The following PLIN1 variants were observed in gnomAD, a reference collection of about 807,000 sequenced individuals.
PLIN1 encodes perilipin-1.
Under a neutral mutation model 45.8 loss-of-function variants are expected in PLIN1, and 37 were observed. That is an observed-to-expected ratio of 0.81 (90% CI 0.62 to 1.06). The LOEUF is 1.06. Ranked by LOEUF, PLIN1 falls within the 50% of genes least tolerant of loss-of-function variation. PLIN1 has a pLI of 0.00. For synonymous variants in PLIN1, 340 were observed against 309.2 expected (o/e 1.10, Z -1.05); for missense variants, 776 against 716.5 (o/e 1.08, Z -0.95).
At chr15:89,676,385 C>G (rs1286996590) in intron 2 of PLIN1, among the ~76,000 whole-genome samples, 2 of 152,110 alleles carry the variant, frequency 1.3e-5, no homozygotes, top group East Asian at 1.9e-4. Context: ...GTAGCTGGGA[C>G]TACAGGCGCC....
intron 2 of PLIN1, among the ~76,000 whole-genome samples, chr15:89,674,359 C>G (rs1033009235): frequency 6.6e-6 from 1 of 152,212 alleles, no homozygotes; most frequent in Non-Finnish European, 1.5e-5. Flanking sequence ...TGGGCTCAAA[C>G]AGTCCCCACA....
chr15:89,675,173 C>T (rs1047486966), intron 2 of PLIN1, among the ~76,000 whole-genome samples: 5 of 152,104 alleles, frequency 3.3e-5, no homozygotes, highest in Non-Finnish European at 5.9e-5. Flanking sequence ...GCGATCTGCA[C>T]GTGCTGGGTG....
chr15:89,669,952 C>T, intron 5 of PLIN1, 28 bp downstream of exon 5: 1 of 1,599,910 alleles, frequency 6.3e-7, no homozygotes, highest in Non-Finnish European at 8.5e-7. Flanking sequence ...CAACTCACTC[C>T]CAGGCCGAGC....
At position 89,670,210 on chromosome 15, in the gene PLIN1, C is replaced by A. The variant is rs375328191; in HGVS notation, c.368G>T (p.Arg123Leu). 1 of 1,613,282 alleles carries A rather than the reference C, an allele frequency of 6.2e-7. No individual in the cohort carries two copies. The highest frequency in any genetic ancestry group is 1.1e-5 in the South Asian group (1 of 90,870). The change falls in exon 5 of 9, where the codon CGC (arginine) becomes CTC (leucine). Residue 123 changes from arginine to leucine, a missense_variant. By Grantham distance (102) the Arg-to-Leu change is moderately radical. Coordinates refer to ENST00000300055, the MANE Select transcript of PLIN1 (RefSeq NM_002666.5). Reference sequence around the variant, plus strand: ...GATGCTGTTTCTGGCACTGCGGAGGCGGGTGGAGATGGTGTCCTTCAGCTC... The same window carrying A: ...GATGCTGTTTCTGGCACTGCGGAGGAGGGTGGAGATGGTGTCCTTCAGCTC... ...ASELKDTIST[R>L]LRSARNSISV...
chr15:89,667,019 T>A lies in PLIN1; in HGVS notation c.1126A>T (p.Thr376Ser), dbSNP rs145599337. 11 of 1,613,954 alleles carry A rather than the reference T, an allele frequency of 6.8e-6. No homozygotes were observed. In the African/African-American group the frequency reaches 1.5e-4, roughly 22 times the overall value. Residue 376 changes from threonine to serine, a missense_variant, in exon 8 of 9, where the codon ACC (threonine) becomes TCC (serine). Physicochemically the swap from Thr to Ser is moderately conservative, Grantham distance 58 (BLOSUM62 1). Transcript: ENST00000300055. ...GATAGGGACATGGCCCTCCCCTTGGTTGAGGAGACAGCAGGGGCTGGTGTG... is the reference window on the plus strand; with the variant it reads ...GATAGGGACATGGCCCTCCCCTTGGATGAGGAGACAGCAGGGGCTGGTGTG... The part of the protein sequence containing the change: ...HLTPAPAVSS[T>S]KGRAMSLSDA...
intron 2 of PLIN1, chr15:89,677,179 C>T: frequency 5.5e-6 from 3 of 546,048 alleles, no homozygotes; most frequent in Non-Finnish European, 9.9e-6. Flanking sequence ...CCTTCCTCTC[C>T]ACTCCCCCCG....
chr15:89,667,706 G>C lies in PLIN1; in HGVS notation c.859C>G (p.Leu287Val). The change falls in exon 7 of 9, where the codon CTC becomes GTC. Residue 287 changes from leucine to valine, a missense_variant. By Grantham distance (32) the Leu-to-Val change is conservative. Coordinates refer to ENST00000300055, the MANE Select transcript of PLIN1 (RefSeq NM_002666.5). ...SEVRVPWLHS[L>V]AAAQEEDHED... ...TGATCCTCCTCCTGGGCGGCTGCGA[G>C]GCTGTGCAGCCAGGGTACCCGCACT... is the stretch of plus-strand genomic sequence containing the variant. 6.3e-7 allele frequency: 1 copy of C among 1,585,802 alleles called. No individual in the cohort carries two copies. Among genetic ancestry groups the C allele is most frequent in the Non-Finnish European group, 8.6e-7 (1 of 1,166,078 alleles).
In PLIN1 at chr15:89,665,009, A is replaced by G. The variant is rs1051713732; in HGVS notation, c.*574T>C. 3 of 444,306 alleles carry G rather than the reference A, an allele frequency of 6.8e-6. No homozygotes were observed. Among genetic ancestry groups the G allele is most frequent in the Admixed American group, 5.0e-5 (2 of 40,054 alleles). The allele number at this position is 444,306 out of a possible 1,614,324, so 27.5% of individuals were successfully genotyped here. A position where few individuals can be genotyped will look rare whatever the true frequency, so the allele number is the denominator to read the frequency against. On this transcript the variant is annotated 3_prime_UTR_variant, in exon 9 of 9. Coordinates refer to ENST00000300055, the MANE Select transcript of PLIN1 (RefSeq NM_002666.5). ...CGGCGGGTACTCAGAAAGTGACACT[A>G]GTATTTTAAATAAACACCCAAGAGC...
At chr15:89,668,183 A>G (rs1482898963) in intron 6 of PLIN1, among the ~76,000 whole-genome samples, 1 of 152,206 alleles carries the variant, frequency 6.6e-6, no homozygotes, top group Non-Finnish European at 1.5e-5. Context: ...CACCATGTGT[A>G]TTCATCTATT....
At position 89,667,816 on chromosome 15, in the gene PLIN1, A is replaced by C. The variant is rs894162; in HGVS notation, c.772-23T>G. 2.6e-6 allele frequency: 4 copies of C among 1,546,474 alleles called. No individual in the cohort carries two copies. In the South Asian group the frequency reaches 4.8e-5, roughly 18 times the overall value. Reference sequence around the variant, plus strand: ...GCTCTGAGGGAGGATGGCAGCAGATAGCTGGCTCAACTGCCCCTGCTGAAG... The same window carrying C: ...GCTCTGAGGGAGGATGGCAGCAGATCGCTGGCTCAACTGCCCCTGCTGAAG... On this transcript the variant is annotated intron_variant, in intron 6 of 8. Transcript: ENST00000300055.
intron 6 of PLIN1, among the ~76,000 whole-genome samples, 175 bp from the exon 7 acceptor site, chr15:89,667,968 G>A (rs1219554570): frequency 1.3e-5 from 2 of 152,134 alleles, no homozygotes; most frequent in South Asian, 2.1e-4. Flanking sequence ...ACACTAAAGT[G>A]CACACATCTT....
At chr15:89,667,939 TTGA>T in intron 6 of PLIN1, 146 bp from the exon 7 acceptor site, 2 of 1,090,444 alleles carry the variant, frequency 1.8e-6, no homozygotes, top group Non-Finnish European at 2.4e-6. Context: ...AAACTTTTTA[TTGA>T]GTTGGTAATC....
Position 89,669,530 on chromosome 15 carries a change from C to G in PLIN1, c.741G>C (p.Val247=), listed in dbSNP as rs200506665. 3 of 1,613,476 alleles carry G rather than the reference C, an allele frequency of 1.9e-6. No individual in the cohort carries two copies. Among genetic ancestry groups the G allele is most frequent in the Non-Finnish European group, 2.5e-6 (3 of 1,179,986 alleles). The change falls in exon 6 of 9, where the codon GTG becomes GTC. Residue 247 remains valine (V), a synonymous_variant. Transcript: ENST00000300055. ...MARALEQGHT[V]AMWIPGVVPL... ...GCACCACGCCTGGGATCCACATGGC[C>G]ACGGTGTGGCCCTGCTCCAGGGCCC...
At chr15:89,673,165 A>T (rs1964463554) in intron 3 of PLIN1, 45 bp downstream of exon 3, 1 of 1,367,624 alleles carries the variant, frequency 7.3e-7, no homozygotes, top group Non-Finnish European at 1.0e-6. Flanking sequence ...ACTGGAAGGT[A>T]GGCAGTGAAC....
At position 89,670,139 on chromosome 15, in the gene PLIN1, A is replaced by G. The variant is rs1376967117; in HGVS notation, c.439T>C (p.Leu147=). The G allele has an allele frequency of 3.7e-6, 6 of 1,614,194 alleles. No individual in the cohort carries two copies. Among genetic ancestry groups the G allele is most frequent in the Non-Finnish European group, 5.1e-6 (6 of 1,180,030 alleles). The part of the protein sequence containing the change: ...STSDKVLGAA[L]AGCELAWGVA... Reference sequence around the variant, plus strand: ...CCCCAGGCAAGCTCGCACCCGGCCAAAGCGGCCCCCAGGACCTTGTCTGAA... The same window carrying G: ...CCCCAGGCAAGCTCGCACCCGGCCAGAGCGGCCCCCAGGACCTTGTCTGAA... Residue 147 remains leucine, a synonymous_variant, in exon 5 of 9, where the codon TTG becomes CTG. Coordinates refer to ENST00000300055, the MANE Select transcript of PLIN1 (RefSeq NM_002666.5).
chr15:89,678,121 G>A (rs1964547189), intron 1 of PLIN1, among the ~76,000 whole-genome samples: 1 of 151,776 alleles, frequency 6.6e-6, no homozygotes, highest in Admixed American at 6.6e-5. Context: ...TCGAACTCCT[G>A]GCCTCAAGTG....
intron 4 of PLIN1, 21 bp downstream of exon 4, chr15:89,671,461 C>A: frequency 6.6e-7 from 1 of 1,524,334 alleles, no homozygotes; most frequent in Non-Finnish European, 8.9e-7. Context: ...AGGGAGGCTT[C>A]GAGAGGTGGG....
Position 89,665,933 on chromosome 15 carries a change from G to T in PLIN1, c.1219C>A (p.Leu407Met), listed in dbSNP as rs1043013044. 1 of 1,520,850 alleles carries T rather than the reference G, an allele frequency of 6.6e-7. No homozygotes were observed. The highest frequency in any genetic ancestry group is 8.8e-7 in the Non-Finnish European group (1 of 1,140,818). The allele number at this position is 1,520,850 out of a possible 1,614,324, so 94.2% of individuals were successfully genotyped here. ...TVVHYVPLPR[L>M]SLMEPESEFR... ...TCGCTCTCGGGCTCCATCAGCGACA[G>T]CCTGGGGAGCTGAGGGCCCGGCAGC... The change falls in exon 9 of 9, where the codon CTG becomes ATG. Residue 407 changes from leucine to methionine, a missense_variant. Transcript: ENST00000300055.
rs1236618575 is a variant in PLIN1, at chr15:89,665,765, C to T, written c.1387G>A (p.Gly463Ser). The change falls in exon 9 of 9, where the codon GGC (glycine) becomes AGC (serine). Residue 463 changes from glycine (G) to serine (S), a missense_variant. Physicochemically the swap from Gly to Ser is moderately conservative, Grantham distance 56. Coordinates refer to ENST00000300055, the MANE Select transcript of PLIN1 (RefSeq NM_002666.5). ...TCCAGGCCCGGGCCGGGGGGCGCGC[C>T]GGGGCTCTGCGCGCTGCGCAGGCTG... The part of the protein sequence containing the change: ...RRSLRSAQSP[G>S]APPGPGLEDE... 4.7e-6 allele frequency: 6 copies of T among 1,273,646 alleles called. No individual in the cohort carries two copies. The highest frequency in any genetic ancestry group is 8.6e-5 in the Admixed American group (2 of 23,324). The allele number at this position is 1,273,646 out of a possible 1,614,324, so 78.9% of individuals were successfully genotyped here. A position where few individuals can be genotyped will look rare whatever the true frequency, so the allele number is the denominator to read the frequency against.
Sources: gnomAD v4.1 joint callset for allele counts (sites outside exome capture counted in the v4.1 genomes callset) on GRCh38, gnomAD v4.1.1 for gene constraint, MANE v1.5 for transcripts, NCBI Gene and HGNC (gene_info 2026-07-23, HGNC 2026-07-21) for gene names.